The following ABCC3 variants were observed in gnomAD, a reference collection of about 807,000 sequenced individuals.
ABCC3 encodes the protein ATP-binding cassette sub-family C member 3.
In ABCC3, 121 loss-of-function variants were observed where a neutral mutation model predicts 165.3. The ratio of observed to expected loss-of-function variants is 0.73; its 90% CI spans 0.63 to 0.85. ABCC3 has a LOEUF of 0.85. Ranked by LOEUF, ABCC3 falls within the 40% of genes least tolerant of loss-of-function variation. The probability of loss-of-function intolerance (pLI) is 0.00; values close to 1 mark genes in which losing one functional copy is unlikely to be tolerated. For synonymous variants in ABCC3, 733 were observed against 810.1 expected (o/e 0.90, Z 1.62); for missense variants, 1,869 against 1,964.1 (o/e 0.95, Z 0.92).
chr17:50,683,941 C>T lies in ABCC3; in HGVS notation c.3955-8C>T, dbSNP rs775824480. 6 of 1,612,038 alleles carry T rather than the reference C, an allele frequency of 3.7e-6. No homozygotes were observed. The Admixed American group carries it at 8.4e-5, about 23-fold the overall frequency. ...TCCCCCTCAGAGCCCCTTCCCTTCT[C>T]CGCCCAGGTGGGGATCGTGGGCCGC... is the stretch of plus-strand genomic sequence containing the variant. On this transcript the variant is annotated splice_polypyrimidine_tract_variant and splice_region_variant and intron_variant, in intron 27 of 30. Coordinates refer to ENST00000285238, the MANE Select transcript of ABCC3 (RefSeq NM_003786.4).
At chr17:50,646,367 T>A (rs1354034394) in intron 1 of ABCC3, among the ~76,000 whole-genome samples, 2 of 152,130 alleles carry the variant, frequency 1.3e-5, no homozygotes, top group African/African-American at 4.8e-5. Flanking sequence ...AGGGACATTG[T>A]GCAGGTCTAT....
chr17:50,687,961 T>C (rs1190149518), intron 30 of ABCC3, among the ~76,000 whole-genome samples: 3 of 142,888 alleles, frequency 2.1e-5, no homozygotes, highest in Non-Finnish European at 4.7e-5. Context: ...CTTCTTCTTC[T>C]TTTTTTTTTT....
chr17:50,680,281 A>C (rs1967905374), intron 26 of ABCC3, among the ~76,000 whole-genome samples: 1 of 152,152 alleles, frequency 6.6e-6, no homozygotes, highest in South Asian at 2.1e-4. Context: ...ACTAAGTAAG[A>C]TGGTGGGGTG....
chr17:50,682,553 G>C (rs180731321), intron 26 of ABCC3, among the ~76,000 whole-genome samples: 1 of 151,956 alleles, frequency 6.6e-6, no homozygotes, highest in African/African-American at 2.4e-5. Flanking sequence ...TATGCCTGCT[G>C]TTCCCTCTGC....
At chr17:50,652,848 A>C (rs527829071) in intron 1 of ABCC3, among the ~76,000 whole-genome samples, 47 of 152,332 alleles carry the variant, frequency 3.1e-4, no homozygotes, top group African/African-American at 1.0e-3. Context: ...CCAGTCTAAG[A>C]ATTGTTCAAA....
chr17:50,663,564 T>C (rs1597851283), intron 8 of ABCC3, 117 bp from the exon 9 acceptor site: 1 of 1,231,736 alleles, frequency 8.1e-7, no homozygotes, highest in Non-Finnish European at 1.1e-6. Flanking sequence ...TTGGAGGGGG[T>C]GGAGGTTTCA....
intron 17 of ABCC3, among the ~76,000 whole-genome samples, chr17:50,670,434 A>G (rs1967623669): frequency 6.6e-6 from 1 of 152,124 alleles, no homozygotes; most frequent in African/African-American, 2.4e-5. Context: ...GGAGCTCATC[A>G]TGTATCTGTT....
chr17:50,671,886 C>A (rs1344149714), intron 17 of ABCC3, among the ~76,000 whole-genome samples: 1 of 151,724 alleles, frequency 6.6e-6, no homozygotes, highest in East Asian at 1.9e-4. Flanking sequence ...TACAGCCCGA[C>A]TAATTTTTGT....
At chr17:50,637,431 A>G (rs933122133) in intron 1 of ABCC3, among the ~76,000 whole-genome samples, 3 of 152,192 alleles carry the variant, frequency 2.0e-5, no homozygotes, top group Non-Finnish European at 2.9e-5. Context: ...GCTGTGTTGC[A>G]TCTCATTTGC....
intron 26 of ABCC3, among the ~76,000 whole-genome samples, chr17:50,680,935 G>A (rs576511143): frequency 6.6e-6 from 1 of 152,226 alleles, no homozygotes; most frequent in Admixed American, 6.5e-5. Flanking sequence ...AAATAGCTGG[G>A]CGTGGTGGTG....
At position 50,683,661 on chromosome 17, in the gene ABCC3, G is replaced by T. The variant is rs200686449; in HGVS notation, c.3859G>T (p.Gly1287Trp). 1.2e-5 allele frequency: 20 copies of T among 1,603,150 alleles called. No individual in the cohort carries two copies. The highest frequency in any genetic ancestry group is 2.7e-5 in the African/African-American group (2 of 74,280). ...CCCTCCCGAAGGTTGGCCCCCACGTGGGGAGGTGGAGTTCCGGAATTATTC... is the reference window on the plus strand; with the variant it reads ...CCCTCCCGAAGGTTGGCCCCCACGTTGGGAGGTGGAGTTCCGGAATTATTC... ...SRPPEGWPPR[G>W]EVEFRNYSVR... The change falls in exon 27 of 31, where the codon GGG (glycine) becomes TGG (tryptophan). Residue 1287 changes from glycine (G) to tryptophan (W), a missense_variant. Transcript: ENST00000285238.
chr17:50,659,709 G>C (rs532699350), intron 7 of ABCC3, among the ~76,000 whole-genome samples: 1 of 152,198 alleles, frequency 6.6e-6, no homozygotes, highest in Non-Finnish European at 1.5e-5. Flanking sequence ...CTGGGGCCGG[G>C]TGTGGTGGCT....
intron 10 of ABCC3, 149 bp from the exon 11 acceptor site, chr17:50,665,004 A>T (rs774800354): frequency 4.6e-6 from 3 of 654,506 alleles, no homozygotes; most frequent in South Asian, 3.7e-5. Context: ...GGTCATTCTG[A>T]CTTTCTATCT....
intron 1 of ABCC3, chr17:50,635,714 C>A: frequency 1.6e-6 from 1 of 643,362 alleles, no homozygotes; most frequent in South Asian, 1.7e-5. Context: ...GAAGGCAGAG[C>A]TGGGATAGAA....
At chr17:50,645,089 T>TA in intron 1 of ABCC3, among the ~76,000 whole-genome samples, 1 of 145,934 alleles carries the variant, frequency 6.9e-6, no homozygotes, top group East Asian at 2.0e-4. Context: ...TAATTCCAGC[T>TA]ACCCAGGAGG....
At chr17:50,645,162 C>T (rs1966979400) in intron 1 of ABCC3, among the ~76,000 whole-genome samples, 2 of 151,276 alleles carry the variant, frequency 1.3e-5, no homozygotes, top group South Asian at 2.1e-4. Flanking sequence ...GGTCGCACCA[C>T]TGCACTCCAG....
chr17:50,668,473 A>T lies in ABCC3; in HGVS notation c.1826A>T (p.Glu609Val). ...CGGATCCAGCAATTCCTGAGCCAAG[A>T]GGAACTTGACCCCCAGAGTGTGGAA... ...LKRIQQFLSQ[E>V]ELDPQSVERK... is the part of the protein sequence containing the mutation. Residue 609 changes from glutamate to valine, a missense_variant, in exon 14 of 31, where the codon GAG (glutamate) becomes GTG (valine). By Grantham distance (121) the Glu-to-Val change is moderately radical. Transcript: ENST00000285238. 1 of 1,613,946 alleles carries T rather than the reference A, an allele frequency of 6.2e-7. No homozygotes were observed. The highest frequency in any genetic ancestry group is 8.5e-7 in the Non-Finnish European group (1 of 1,179,922).
In ABCC3 at chr17:50,684,037, G is replaced by A. The variant is rs1405143543; in HGVS notation, c.4043G>A (p.Arg1348His). ...RILEAAKGEI[R>H]IDGLNVADIG... ...CTGGAGGCGGCAAAGGGTGAAATCC[G>A]CATTGATGGCCTCAATGTGGCAGAC... The change falls in exon 28 of 31, where the codon CGC (arginine) becomes CAC (histidine). Residue 1348 changes from arginine to histidine, a missense_variant. By Grantham distance (29) the Arg-to-His change is conservative (BLOSUM62 0). Transcript: ENST00000285238. 5.0e-6 allele frequency: 8 copies of A among 1,612,474 alleles called. No homozygotes were observed. Among genetic ancestry groups the A allele is most frequent in the South Asian group, 4.4e-5 (4 of 90,914 alleles).
chr17:50,638,755 G>T (rs2054201715), intron 1 of ABCC3, among the ~76,000 whole-genome samples: 1 of 152,192 alleles, frequency 6.6e-6, no homozygotes, highest in South Asian at 2.1e-4. Flanking sequence ...CTGGTCCCTT[G>T]GAGGCTCAGC....
Sources: gnomAD v4.1 joint callset for allele counts (sites outside exome capture counted in the v4.1 genomes callset) on GRCh38, gnomAD v4.1.1 for gene constraint, MANE v1.5 for transcripts, NCBI Gene and HGNC (gene_info 2026-07-23, HGNC 2026-07-21) for gene names.